The following TWSG1 variants were observed in gnomAD, a reference collection of about 807,000 sequenced individuals.
TWSG1 encodes the protein twisted gastrulation protein homolog 1.
TWSG1 carries 15 observed loss-of-function variants against 23.0 expected under a neutral mutation model. The observed-to-expected ratio is 0.65, with a 90% confidence interval of 0.44 to 1.00. The LOEUF (loss-of-function observed/expected upper bound fraction) is 1.00, where lower values mean the gene tolerates loss of function less well. TWSG1 is among the 50% of genes least tolerant of loss of function. The pLI, the probability that TWSG1 is intolerant of heterozygous loss-of-function variation, is 0.00. For synonymous variants in TWSG1, 86 were observed against 92.8 expected (o/e 0.93, Z 0.42); for missense variants, 242 against 278.7 (o/e 0.87, Z 0.94).
At chr18:9,337,993 C>A (rs1448557859) in intron 2 of TWSG1, among the ~76,000 whole-genome samples, 1 of 152,162 alleles carries the variant, frequency 6.6e-6, no homozygotes, top group Non-Finnish European at 1.5e-5. Flanking sequence ...TCTCATTTTT[C>A]TGGGGAGAAA....
At chr18:9,390,157 T>TTTCTTC (rs112287259) in intron 3 of TWSG1, among the ~76,000 whole-genome samples, 2 of 150,878 alleles carry the variant, frequency 1.3e-5, no homozygotes, top group Admixed American at 6.6e-5. Context: ...TGACAGTTTC[T>TTTCTTC]TTCTTCTTCT....
intron 3 of TWSG1, 46 bp downstream of exon 3, chr18:9,360,117 A>T: frequency 6.6e-7 from 1 of 1,508,802 alleles, no homozygotes; most frequent in Non-Finnish European, 9.2e-7. Flanking sequence ...TTATCACAGA[A>T]TCCTTGGCTT....
intron 2 of TWSG1, among the ~76,000 whole-genome samples, chr18:9,356,950 A>C (rs1034008464): frequency 1.3e-5 from 2 of 149,014 alleles, no homozygotes; most frequent in African/African-American, 5.0e-5. Flanking sequence ...TCTTGTGACT[A>C]AGTGCTAACC....
At chr18:9,383,563 CAAATT>C (rs891297620) in intron 3 of TWSG1, among the ~76,000 whole-genome samples, 3 of 152,018 alleles carry the variant, frequency 2.0e-5, no homozygotes, top group African/African-American at 7.2e-5. Context: ...AGAGAAGAAA[CAAATT>C]AGGAGACTGT....
intron 3 of TWSG1, among the ~76,000 whole-genome samples, chr18:9,384,066 C>G (rs535116747): frequency 6.6e-6 from 1 of 152,222 alleles, no homozygotes; most frequent in East Asian, 1.9e-4. Flanking sequence ...CAAATTCAGT[C>G]AAAATGTAAT....
chr18:9,363,512 T>A (rs1362897314), intron 3 of TWSG1, among the ~76,000 whole-genome samples: 1 of 152,186 alleles, frequency 6.6e-6, no homozygotes, highest in Non-Finnish European at 1.5e-5. Flanking sequence ...ACAAAGTAAA[T>A]CATTTCACTA....
rs1366482848 is a variant in TWSG1, at chr18:9,400,799, A to G, written c.*1272A>G. Reference sequence around the variant, plus strand: ...AATAAATGTTTCTTTCAATAAAGATACTATGTGCCCTTCATAGTAATAAAA... The same window carrying G: ...AATAAATGTTTCTTTCAATAAAGATGCTATGTGCCCTTCATAGTAATAAAA... On this transcript the variant is annotated 3_prime_UTR_variant, in exon 5 of 5. Coordinates refer to ENST00000262120, the MANE Select transcript of TWSG1 (RefSeq NM_020648.6). 6.6e-6 allele frequency: 1 copy of G among 152,192 alleles called. No individual in the cohort carries two copies. The highest frequency in any genetic ancestry group is 1.5e-5 in the Non-Finnish European group (1 of 68,034). The allele number at this position is 152,192 out of a possible 1,614,324, so 9.4% of individuals were successfully genotyped here.
intron 2 of TWSG1, 27 bp downstream of exon 2, chr18:9,337,379 A>G: frequency 6.2e-7 from 1 of 1,607,578 alleles, no homozygotes; most frequent in African/African-American, 1.3e-5. Flanking sequence ...TTTTATTAAT[A>G]TCAAAATATA....
At chr18:9,362,202 T>A (rs570588302) in intron 3 of TWSG1, among the ~76,000 whole-genome samples, 10 of 152,178 alleles carry the variant, frequency 6.6e-5, no homozygotes, top group Non-Finnish European at 1.2e-4. Flanking sequence ...TAATCTCTGA[T>A]ATACACACAT....
At chr18:9,347,334 A>G (rs2040481895) in intron 2 of TWSG1, among the ~76,000 whole-genome samples, 1 of 152,204 alleles carries the variant, frequency 6.6e-6, no homozygotes, top group Non-Finnish European at 1.5e-5. Flanking sequence ...AATAAAGTCC[A>G]GCTTATCATT....
chr18:9,371,823 G>A (rs2145617586), intron 3 of TWSG1, among the ~76,000 whole-genome samples: 1 of 146,346 alleles, frequency 6.8e-6, no homozygotes, highest in African/African-American at 2.5e-5. Context: ...CTGGGCTGGA[G>A]TGCAGTGGCT....
intron 3 of TWSG1, among the ~76,000 whole-genome samples, chr18:9,363,540 T>C (rs962696163): frequency 5.3e-5 from 8 of 152,226 alleles, no homozygotes; most frequent in Non-Finnish European, 8.8e-5. Flanking sequence ...TGAAGTCCTT[T>C]AGTTATACAT....
At chr18:9,365,226 G>A (rs2040572365) in intron 3 of TWSG1, among the ~76,000 whole-genome samples, 1 of 152,132 alleles carries the variant, frequency 6.6e-6, no homozygotes, top group Non-Finnish European at 1.5e-5. Flanking sequence ...GGGAGGTTAA[G>A]GCAGGAGGAT....
intron 2 of TWSG1, among the ~76,000 whole-genome samples, chr18:9,354,294 A>T (rs949636250): frequency 2.6e-5 from 4 of 152,212 alleles, no homozygotes; most frequent in Non-Finnish European, 5.9e-5. Context: ...CACAGTGCCT[A>T]TAAGGGTTAA....
In TWSG1 at chr18:9,399,950, C is replaced by T. The variant is rs12964979; in HGVS notation, c.*423C>T. 1 of 154,042 alleles carries T rather than the reference C, an allele frequency of 6.5e-6. No individual in the cohort carries two copies. Among genetic ancestry groups the T allele is most frequent in the Non-Finnish European group, 1.4e-5 (1 of 69,128 alleles). The allele number at this position is 154,042 out of a possible 1,614,324, so 9.5% of individuals were successfully genotyped here. ...TTAGCACACTGAGTTTTTATAGTTG[C>T]ACATCATTCCTCATTGTGCCTTGTT... On this transcript the variant is annotated 3_prime_UTR_variant, in exon 5 of 5. Coordinates refer to ENST00000262120, the MANE Select transcript of TWSG1 (RefSeq NM_020648.6).
intron 1 of TWSG1, among the ~76,000 whole-genome samples, chr18:9,336,083 G>A (rs1191449998): frequency 6.6e-6 from 1 of 152,070 alleles, no homozygotes. Context: ...AAGAATGTGT[G>A]GTACTAATAG....
chr18:9,355,199 G>A (rs189101571), intron 2 of TWSG1, among the ~76,000 whole-genome samples: 12 of 152,170 alleles, frequency 7.9e-5, no homozygotes, highest in East Asian at 1.9e-4. Flanking sequence ...CTTGTGATCC[G>A]CCTGCCTTGG....
At chr18:9,370,185 G>A (rs2040598231) in intron 3 of TWSG1, among the ~76,000 whole-genome samples, 1 of 152,110 alleles carries the variant, frequency 6.6e-6, no homozygotes, top group South Asian at 2.1e-4. Context: ...GGGTGTGGTG[G>A]TGTGTACCTG....
intron 2 of TWSG1, among the ~76,000 whole-genome samples, chr18:9,358,807 C>T (rs990420545): frequency 1.3e-5 from 2 of 152,028 alleles, no homozygotes; most frequent in African/African-American, 4.8e-5. Context: ...TCCTTCTAAG[C>T]CTGAGAGTAA....
Sources: gnomAD v4.1 joint callset for allele counts (sites outside exome capture counted in the v4.1 genomes callset) on GRCh38, gnomAD v4.1.1 for gene constraint, MANE v1.5 for transcripts, NCBI Gene and HGNC (gene_info 2026-07-23, HGNC 2026-07-21) for gene names.